The following PIK3C2B variants were observed in gnomAD, a reference collection of about 807,000 sequenced individuals.
PIK3C2B encodes the protein phosphatidylinositol 4-phosphate 3-kinase C2 domain-containing subunit beta.
PIK3C2B carries 83 observed loss-of-function variants against 184.3 expected under a neutral mutation model. The observed-to-expected ratio is 0.45, with a 90% CI of 0.38 to 0.54. PIK3C2B has a LOEUF of 0.54. Ranked by LOEUF, PIK3C2B falls within the 20% of genes least tolerant of loss-of-function variation. The probability of loss-of-function intolerance (pLI) is 0.00; values close to 1 mark genes in which losing one functional copy is unlikely to be tolerated. For synonymous variants in PIK3C2B, 779 were observed against 837.6 expected (o/e 0.93, Z 1.21); for missense variants, 1,736 against 2,113.5 (o/e 0.82, Z 3.50).
At chr1:204,464,645 G>T in intron 3 of PIK3C2B, 41 bp from the exon 4 acceptor site, 2 of 1,593,142 alleles carry the variant, frequency 1.3e-6, no homozygotes, top group South Asian at 1.1e-5. Flanking sequence ...GCCTTTAGAA[G>T]AGAGTAGTCA....
intron 31 of PIK3C2B, among the ~76,000 whole-genome samples, chr1:204,427,193 C>T (rs1031126972): frequency 3.9e-5 from 6 of 152,058 alleles, no homozygotes; most frequent in African/African-American, 1.4e-4. Context: ...GAACTCGTAC[C>T]AAAAATTTAG....
In PIK3C2B at chr1:204,459,796, T is replaced by G; in HGVS notation, c.1566+82A>C. ...CAGGCTCCACCCAGACCCCTCATAGTGCTGGGTGATCCCAGGAGGACTGAG... is the reference window on the plus strand; with the variant it reads ...CAGGCTCCACCCAGACCCCTCATAGGGCTGGGTGATCCCAGGAGGACTGAG... On this transcript the variant is annotated intron_variant, in intron 8 of 32. Transcript: ENST00000684373. The G allele has an allele frequency of 2.5e-6, 3 of 1,180,702 alleles. No individual in the cohort carries two copies. The South Asian group carries it at 3.7e-5, about 15-fold the overall frequency. 73.1% of individuals were successfully genotyped at this position (1,180,702 alleles called of 1,614,324 possible).
At chr1:204,464,396 A>G (rs1655580267) in intron 4 of PIK3C2B, 54 bp downstream of exon 4, 1 of 1,539,676 alleles carries the variant, frequency 6.5e-7, no homozygotes. Flanking sequence ...AAACACAGTC[A>G]TCCCCACCCC....
rs925823803 is a variant in PIK3C2B, at chr1:204,481,591, A to G, written c.-84-11705T>C. 2.6e-5 allele frequency among the ~76,000 whole-genome samples: 4 copies of G among 152,298 alleles called. No individual in the cohort carries two copies. The East Asian group carries it at 7.7e-4, about 29-fold the overall frequency. On this transcript the variant is annotated intron_variant, in intron 1 of 32. Coordinates refer to ENST00000684373, the MANE Select transcript of PIK3C2B (RefSeq NM_001377334.1). ...AGTGTCACTGGCAAAGAAGTCTGAGAAAAAAGGTTAAACCCAGAAGAAAAA... is the reference window on the plus strand; with the variant it reads ...AGTGTCACTGGCAAAGAAGTCTGAGGAAAAAGGTTAAACCCAGAAGAAAAA...
intron 1 of PIK3C2B, among the ~76,000 whole-genome samples, chr1:204,480,592 C>G (rs1462317368): frequency 6.6e-6 from 1 of 152,072 alleles, no homozygotes; most frequent in African/African-American, 2.4e-5. Flanking sequence ...GCAGGGCCAG[C>G]AGCTCCCAGG....
Position 204,438,943 on chromosome 1 carries a change from A to G in PIK3C2B, c.3508T>C (p.Tyr1170His). Residue 1170 changes from tyrosine (Y) to histidine (H), a missense_variant, in exon 23 of 33, where the codon TAT becomes CAT. By Grantham distance (83) the Tyr-to-His change is moderately conservative (BLOSUM62 2). This residue lies in a region of PIK3C2B where 289 missense variants were observed against 380.4 expected (regional missense o/e 0.76). Transcript: ENST00000684373. ...CCCACCCACAACCCTACCTTCTCAT[A>G]CTCGTCCTCCCCAGGGTTGTGTTTC... The part of the protein sequence containing the change: ...LQKHNPGEDE[Y>H]EKAVENFIYS... 6.2e-7 allele frequency: 1 copy of G among 1,613,080 alleles called. No homozygotes were observed. Among genetic ancestry groups the G allele is most frequent in the Non-Finnish European group, 8.5e-7 (1 of 1,179,890 alleles).
rs1230446752 is a variant in PIK3C2B at position 204,423,080 on chromosome 1, T to C, written c.*1772A>G. ...AGCCAATTCTGGTTTTAAAGATTCA[T>C]ATCAAATTCAAAGTCCCTCCCTCCT... On this transcript the variant is annotated 3_prime_UTR_variant, in exon 33 of 33. Transcript: ENST00000684373. The C allele has an allele frequency of 1.3e-5, 2 of 152,176 alleles. No homozygotes were observed. The highest frequency in any genetic ancestry group is 1.5e-5 in the Non-Finnish European group (1 of 68,032). 9.4% of individuals were successfully genotyped at this position (152,176 alleles called of 1,614,324 possible). A position where few individuals can be genotyped will look rare whatever the true frequency, so the allele number is the denominator to read the frequency against.
chr1:204,454,925 C>T, intron 11 of PIK3C2B, 134 bp from the exon 12 acceptor site: 1 of 947,124 alleles, frequency 1.1e-6, no homozygotes, highest in Non-Finnish European at 1.5e-6. Context: ...CACAGGATCT[C>T]CGGATAGGAC....
chr1:204,486,539 T>C, intron 1 of PIK3C2B, among the ~76,000 whole-genome samples: 1 of 151,804 alleles, frequency 6.6e-6, no homozygotes, highest in South Asian at 2.1e-4. Flanking sequence ...AAGACTGGCC[T>C]GGCCAACATG....
chr1:204,485,340 A>G (rs1203466375), intron 1 of PIK3C2B, among the ~76,000 whole-genome samples: 2 of 152,162 alleles, frequency 1.3e-5, no homozygotes, highest in Non-Finnish European at 2.9e-5. Context: ...TATATAAAGC[A>G]TATATTGGGC....
intron 5 of PIK3C2B, among the ~76,000 whole-genome samples, chr1:204,461,961 C>T (rs61761708): frequency 2.6e-5 from 4 of 152,136 alleles, no homozygotes; most frequent in African/African-American, 7.2e-5. Flanking sequence ...ACCCCCGGAG[C>T]GTCCTTTCCA....
chr1:204,431,413 A>C, intron 28 of PIK3C2B: 1 of 533,062 alleles, frequency 1.9e-6, no homozygotes, highest in African/African-American at 1.9e-5. Flanking sequence ...TTAAAAAATT[A>C]GAAATTTTGA....
At chr1:204,470,692 G>A (rs1209655891) in intron 1 of PIK3C2B, among the ~76,000 whole-genome samples, 1 of 152,204 alleles carries the variant, frequency 6.6e-6, no homozygotes, top group African/African-American at 2.4e-5. Context: ...ACAAAGACTT[G>A]TTCATGAATA....
At chr1:204,460,256 A>G in intron 7 of PIK3C2B, 68 bp downstream of exon 7, 1 of 1,278,004 alleles carries the variant, frequency 7.8e-7, no homozygotes, top group Non-Finnish European at 1.1e-6. Context: ...AAAGGCAAGC[A>G]GGCACATCTG....
Position 204,467,589 on chromosome 1 carries a change from C to A in PIK3C2B, c.933+1281G>T, listed in dbSNP as rs1479381540. Among the ~76,000 whole-genome samples, 3 of 152,256 alleles carry A rather than the reference C, an allele frequency of 2.0e-5. No homozygotes were observed. In the South Asian group the frequency reaches 6.2e-4, roughly 32 times the overall value. ...TTGGCTTACACCTGTAATCCCAGAA[C>A]TTTGGGAGGCCAAAGTGGACAGATC... is the stretch of plus-strand genomic sequence containing the variant. On this transcript the variant is annotated intron_variant, in intron 2 of 32. Coordinates refer to ENST00000684373, the MANE Select transcript of PIK3C2B (RefSeq NM_001377334.1).
At chr1:204,429,155 G>T (rs1674904621) in intron 29 of PIK3C2B, among the ~76,000 whole-genome samples, 1 of 152,180 alleles carries the variant, frequency 6.6e-6, no homozygotes, top group Admixed American at 6.5e-5. Flanking sequence ...TTGAGCCTGG[G>T]AAGTGGAGGC....
At chr1:204,470,211 A>G (rs1288380261) in intron 1 of PIK3C2B, among the ~76,000 whole-genome samples, 1 of 142,120 alleles carries the variant, frequency 7.0e-6, no homozygotes, top group African/African-American at 2.7e-5. Flanking sequence ...TGTGTCACCC[A>G]GGCTGGAATG....
chr1:204,485,835 T>G (rs926952060), intron 1 of PIK3C2B, among the ~76,000 whole-genome samples: 2 of 151,984 alleles, frequency 1.3e-5, no homozygotes, highest in African/African-American at 4.8e-5. Flanking sequence ...CCTCCCAAAG[T>G]GCTAGGATTA....
rs1318404151 is a variant in PIK3C2B, at chr1:204,469,721, C to T, written c.82G>A (p.Glu28Lys). 10 of 1,613,826 alleles carry T rather than the reference C, an allele frequency of 6.2e-6. No homozygotes were observed. Among genetic ancestry groups the T allele is most frequent in the Non-Finnish European group, 8.5e-6 (10 of 1,179,908 alleles). Residue 28 changes from glutamate to lysine, a missense_variant, in exon 2 of 33, where the codon GAA becomes AAA. Physicochemically the swap from Glu to Lys is moderately conservative, Grantham distance 56 (BLOSUM62 1). Coordinates refer to ENST00000684373, the MANE Select transcript of PIK3C2B (RefSeq NM_001377334.1). ...GCATCATACTCCATCTGCAGGGCTTCGGCCATCGCTAGCTCTTTGCGGCTG... is the reference window on the plus strand; with the variant it reads ...GCATCATACTCCATCTGCAGGGCTTTGGCCATCGCTAGCTCTTTGCGGCTG... Reference protein sequence around the residue: ...GISRKELAMAEALQMEYDALS... With the variant: ...GISRKELAMAKALQMEYDALS...
Sources: gnomAD v4.1 joint callset for allele counts (sites outside exome capture counted in the v4.1 genomes callset) on GRCh38, gnomAD v4.1.1 for gene constraint, gnomAD v4.1.1 regional missense constraint, MANE v1.5 for transcripts, NCBI Gene and HGNC (gene_info 2026-07-23, HGNC 2026-07-21) for gene names.